The following MAD1L1 variants were observed in gnomAD, a reference collection of about 807,000 sequenced individuals.
MAD1L1 encodes mitotic spindle assembly checkpoint protein MAD1.
A neutral mutation model predicts 96.9 loss-of-function variants in MAD1L1; 95 were observed. That is an observed-to-expected ratio of 0.98 (90% CI 0.83 to 1.16). The LOEUF is 1.16. Among genes scored for constraint, MAD1L1 ranks in the 50% most tolerant of loss-of-function variants. The pLI, the probability that MAD1L1 is intolerant of heterozygous loss-of-function variation, is 0.00. For synonymous variants in MAD1L1, 473 were observed against 396.6 expected, an observed-to-expected ratio of 1.19 and a Z score of -2.29; for missense variants, 1,007 against 954.4, an observed-to-expected ratio of 1.06 and a Z score of -0.73.
At chr7:2,221,103 A>T in intron 5 of MAD1L1, 1 of 1,392,686 alleles carries the variant, frequency 7.2e-7, no homozygotes, top group Non-Finnish European at 9.9e-7. Context: ...TAGACATGAC[A>T]GGCCAAAGCA....
At chr7:1,897,615 C>T (rs530249715) in intron 18 of MAD1L1, among the ~76,000 whole-genome samples, 4 of 152,338 alleles carry the variant, frequency 2.6e-5, no homozygotes, top group African/African-American at 7.2e-5. Flanking sequence ...CTGTTGGACC[C>T]CGCTCGCCCG....
chr7:1,993,936 G>T (rs901408938), intron 14 of MAD1L1, among the ~76,000 whole-genome samples: 5 of 152,314 alleles, frequency 3.3e-5, no homozygotes, highest in African/African-American at 9.6e-5. Context: ...TGTCCTGGTG[G>T]ATTTCACAGA....
At chr7:2,124,076 A>C (rs1054817128) in intron 11 of MAD1L1, among the ~76,000 whole-genome samples, 4 of 152,336 alleles carry the variant, frequency 2.6e-5, no homozygotes, top group Admixed American at 2.6e-4. Context: ...CTCCAGGAGC[A>C]AGGCGAAGGC....
At chr7:2,197,563 C>G (rs3800929) in intron 10 of MAD1L1, among the ~76,000 whole-genome samples, 47,945 of 152,102 alleles carry the variant, frequency 0.32, 8,328 homozygotes, top group East Asian at 0.53. Flanking sequence ...GGCCCAAGCT[C>G]GGACACAGGC....
intron 11 of MAD1L1, 139 bp downstream of exon 11, chr7:2,149,010 TCCC>T (rs1258471855): frequency 4.3e-6 from 3 of 702,856 alleles, no homozygotes; most frequent in Non-Finnish European, 7.5e-6. Context: ...AAATCCCTGC[TCCC>T]CCATCTCCTC....
chr7:1,915,272 T>A (rs748392481), intron 17 of MAD1L1, among the ~76,000 whole-genome samples: 1 of 152,096 alleles, frequency 6.6e-6, no homozygotes, highest in Non-Finnish European at 1.5e-5. Context: ...AGTAGCACCT[T>A]GGAGCGGAAG....
chr7:2,131,516 G>A (rs3778989), intron 11 of MAD1L1, among the ~76,000 whole-genome samples: 12,236 of 152,250 alleles, frequency 0.08, 785 homozygotes, highest in African/African-American at 0.17. Context: ...AATTCAAAGC[G>A]CTGCTTCTGT....
At position 2,149,812 on chromosome 7, in the gene MAD1L1, G is replaced by C. The variant is rs533498612; in HGVS notation, c.987-574C>G. 2.0e-5 allele frequency among the ~76,000 whole-genome samples: 3 copies of C among 152,360 alleles called. No individual in the cohort carries two copies. The South Asian group carries it at 6.2e-4, about 32-fold the overall frequency. ...AGTTCAAAGTGCACCCCGATGATCA[G>C]CAACAGCTGAGCTCGGCCCGAGCCA... On this transcript the variant is annotated intron_variant, in intron 10 of 18. Transcript: ENST00000265854.
intron 10 of MAD1L1, among the ~76,000 whole-genome samples, chr7:2,167,951 A>G (rs1201598371): frequency 6.6e-6 from 1 of 152,154 alleles, no homozygotes; most frequent in African/African-American, 2.4e-5. Flanking sequence ...TTACCTGCAA[A>G]GATTTATTTT....
intron 10 of MAD1L1, among the ~76,000 whole-genome samples, chr7:2,168,587 A>C (rs1396831807): frequency 6.6e-6 from 1 of 152,256 alleles, no homozygotes; most frequent in Non-Finnish European, 1.5e-5. Context: ...GGAAGGGACC[A>C]GGAGACCTCA....
intron 1 of MAD1L1, among the ~76,000 whole-genome samples, 189 bp downstream of exon 1, chr7:2,232,683 G>C (rs1371573854): frequency 6.6e-6 from 1 of 152,174 alleles, no homozygotes; most frequent in Non-Finnish European, 1.5e-5. Flanking sequence ...GGGAGAGGAG[G>C]GGAGAGCACA....
At chr7:1,864,787 GC>G (rs1224752309) in intron 18 of MAD1L1, among the ~76,000 whole-genome samples, 2 of 152,162 alleles carry the variant, frequency 1.3e-5, no homozygotes, top group Admixed American at 1.3e-4. Context: ...AGAGCCTGGT[GC>G]CCCCCGCCCC....
chr7:2,166,641 G>A (rs1015636404), intron 10 of MAD1L1, among the ~76,000 whole-genome samples: 2 of 152,256 alleles, frequency 1.3e-5, no homozygotes, highest in Non-Finnish European at 2.9e-5. Flanking sequence ...AACAGGGGCA[G>A]CAAGTGGAGA....
chr7:1,969,102 G>C (rs567414610), intron 15 of MAD1L1, among the ~76,000 whole-genome samples: 9 of 152,194 alleles, frequency 5.9e-5, no homozygotes, highest in Non-Finnish European at 1.3e-4. Context: ...ATCGACTGTT[G>C]GCCAGGTGTG....
At chr7:1,951,664 C>T (rs1035401450) in intron 16 of MAD1L1, among the ~76,000 whole-genome samples, 1 of 152,156 alleles carries the variant, frequency 6.6e-6, no homozygotes, top group East Asian at 1.9e-4. Flanking sequence ...ACTCTAGGGG[C>T]CTCGTGTAGG....
chr7:1,894,040 A>G (rs1466736717), intron 18 of MAD1L1, among the ~76,000 whole-genome samples: 1 of 152,160 alleles, frequency 6.6e-6, no homozygotes, highest in East Asian at 1.9e-4. Context: ...TGCCCTCTCC[A>G]TAAGCCAGGC....
At chr7:2,024,598 C>T (rs992620236) in intron 12 of MAD1L1, among the ~76,000 whole-genome samples, 1 of 152,182 alleles carries the variant, frequency 6.6e-6, no homozygotes, top group African/African-American at 2.4e-5. Context: ...AAGCTGCTGC[C>T]CCCTCTGTAG....
chr7:2,010,915 T>G, intron 13 of MAD1L1, among the ~76,000 whole-genome samples: 2 of 150,640 alleles, frequency 1.3e-5, no homozygotes, highest in South Asian at 2.1e-4. Flanking sequence ...GACAGAGGGG[T>G]GAACAGAGGC....
chr7:2,222,520 A>G (rs1793661217), intron 5 of MAD1L1, 55 bp downstream of exon 5: 1 of 1,468,550 alleles, frequency 6.8e-7, no homozygotes, highest in Admixed American at 2.3e-5. Context: ...AAACAAGAGC[A>G]TGCACTCCCT....
Sources: allele counts gnomAD v4.1 joint callset (sites outside exome capture counted in the v4.1 genomes callset), GRCh38; gene constraint gnomAD v4.1.1; transcripts MANE v1.5; gene names NCBI Gene and HGNC (gene_info 2026-07-23, HGNC 2026-07-21).